The following RBFOX1 variants were observed in gnomAD, a reference collection of about 807,000 sequenced individuals.
RBFOX1 encodes RNA binding fox-1 homolog 1.
Under a neutral mutation model 57.7 loss-of-function variants are expected in RBFOX1, and 8 were observed. The ratio of observed to expected loss-of-function variants is 0.14; its 90% confidence interval spans 0.08 to 0.25. The LOEUF (loss-of-function observed/expected upper bound fraction) is 0.25. Ranked by LOEUF, RBFOX1 falls within the 10% of genes least tolerant of loss-of-function variation. RBFOX1 has a pLI of 1.00. For missense variants in RBFOX1, 611 were observed against 548.5 expected, an observed-to-expected ratio of 1.11 and a Z score of -1.14; for synonymous variants, 326 against 222.4, an observed-to-expected ratio of 1.47 and a Z score of -4.15.
intron 1 of RBFOX1, chr16:6,092,394 T>C (rs2096188326): frequency 6.6e-6 from 1 of 152,236 alleles, no homozygotes; most frequent in Non-Finnish European, 1.5e-5. Flanking sequence ...GTTAATTCTA[T>C]GTCTCCTACC....
chr16:7,320,782 G>T (rs554697550), intron 4 of RBFOX1, among the ~76,000 whole-genome samples: 1 of 152,242 alleles, frequency 6.6e-6, no homozygotes, highest in Non-Finnish European at 1.5e-5. Flanking sequence ...CAAGCCCAAA[G>T]AATATTTTAA....
intron 1 of RBFOX1, among the ~76,000 whole-genome samples, chr16:6,136,801 C>G (rs1299047170): frequency 6.6e-6 from 1 of 152,158 alleles, no homozygotes; most frequent in Non-Finnish European, 1.5e-5. Context: ...AGTACTGTTC[C>G]TTTTAATCAA....
At chr16:6,007,013 CCT>C (rs1456388829) in intron 4 of RBFOX1, among the ~76,000 whole-genome samples, 1 of 151,722 alleles carries the variant, frequency 6.6e-6, no homozygotes, top group Non-Finnish European at 1.5e-5. Context: ...ATGGATTTAC[CCT>C]CTCTCCCCAT....
chr16:5,697,176 C>T (rs2050870363), intron 3 of RBFOX1, among the ~76,000 whole-genome samples: 1 of 151,948 alleles, frequency 6.6e-6, no homozygotes, highest in Non-Finnish European at 1.5e-5. Flanking sequence ...GATTATTATC[C>T]AGCAATCTTG....
intron 3 of RBFOX1, among the ~76,000 whole-genome samples, chr16:6,930,755 A>T (rs1216980728): frequency 1.3e-5 from 2 of 152,054 alleles, no homozygotes; most frequent in Non-Finnish European, 2.9e-5. Context: ...TTATATGTTT[A>T]TTGGCCACTT....
intron 3 of RBFOX1, among the ~76,000 whole-genome samples, chr16:6,850,455 G>C (rs992643604): frequency 6.6e-6 from 1 of 152,072 alleles, no homozygotes; most frequent in Non-Finnish European, 1.5e-5. Flanking sequence ...AATGAGGTTT[G>C]AGTTGAGAGC....
chr16:6,534,121 A>T (rs538860627), intron 2 of RBFOX1, among the ~76,000 whole-genome samples: 1 of 152,210 alleles, frequency 6.6e-6, no homozygotes, highest in Non-Finnish European at 1.5e-5. Context: ...TTTATTTGCA[A>T]TGGCAAAAGA....
intron 3 of RBFOX1, among the ~76,000 whole-genome samples, chr16:6,696,895 T>C (rs545313463): frequency 2.0e-5 from 3 of 152,316 alleles, no homozygotes; most frequent in East Asian, 1.9e-4. Context: ...GTTTAAGAAA[T>C]GGAGATTGCT....
At chr16:6,324,939 T>C (rs17223037) in intron 2 of RBFOX1, among the ~76,000 whole-genome samples, 24,728 of 152,076 alleles carry the variant, frequency 0.16, 2,515 homozygotes, top group South Asian at 0.28. Flanking sequence ...GACAGGAGAG[T>C]GTACTATGTA....
At chr16:5,507,134 A>G (rs1413007686) in intron 2 of RBFOX1, among the ~76,000 whole-genome samples, 1 of 151,988 alleles carries the variant, frequency 6.6e-6, no homozygotes, top group Admixed American at 6.6e-5. Context: ...ATAAGTAGCT[A>G]CTTGGGTTGT....
At chr16:6,017,458 G>A (rs575352535), upstream of RBFOX1, among the ~76,000 whole-genome samples, 124 of 152,180 alleles carry the variant, frequency 8.1e-4, 1 homozygote, top group African/African-American at 2.8e-3. Context: ...TGATTATGAT[G>A]TTACCAACCC....
At chr16:5,321,575 G>T (rs964659115) in intron 1 of RBFOX1, among the ~76,000 whole-genome samples, 1 of 152,198 alleles carries the variant, frequency 6.6e-6, no homozygotes, top group African/African-American at 2.4e-5. Context: ...CCATGTTGGC[G>T]CAAAGTGCTG....
chr16:6,881,279 G>T (rs1001104487), intron 3 of RBFOX1, among the ~76,000 whole-genome samples: 4 of 152,204 alleles, frequency 2.6e-5, no homozygotes, highest in Non-Finnish European at 5.9e-5. Context: ...GAGAGCAAAG[G>T]AAGGGGTAAA....
chr16:5,445,677 C>T (rs996418734), intron 1 of RBFOX1, among the ~76,000 whole-genome samples: 5 of 152,162 alleles, frequency 3.3e-5, no homozygotes, highest in Non-Finnish European at 5.9e-5. Context: ...TCTGGTGGGG[C>T]TGCCTGGAAC....
Position 7,595,537 on chromosome 16 carries a change from T to A in RBFOX1, c.469-12T>A. ...TCTGCATGTTGTTTTCCCTTCTCCC[T>A]CCTGCATGCAGGGATTTGGTTTCGT... On this transcript the variant is annotated splice_polypyrimidine_tract_variant and intron_variant, in intron 7 of 15. Coordinates refer to ENST00000550418, the MANE Select transcript of RBFOX1 (RefSeq NM_018723.4). The A allele has an allele frequency of 6.5e-7, 1 of 1,545,178 alleles. No individual in the cohort carries two copies. Among genetic ancestry groups the A allele is most frequent in the Non-Finnish European group, 8.8e-7 (1 of 1,139,722 alleles).
chr16:6,098,187 C>A (rs543751337), intron 1 of RBFOX1, among the ~76,000 whole-genome samples: 1 of 152,280 alleles, frequency 6.6e-6, no homozygotes, highest in East Asian at 1.9e-4. Context: ...ATTAATCTTC[C>A]CCACCCTGGG....
chr16:6,519,966 G>T (rs1423501532), intron 2 of RBFOX1, among the ~76,000 whole-genome samples: 1 of 152,138 alleles, frequency 6.6e-6, no homozygotes, highest in East Asian at 1.9e-4. Context: ...GGGTCAGTAG[G>T]CATGGTATTA....
intron 3 of RBFOX1, among the ~76,000 whole-genome samples, chr16:5,767,356 A>G (rs375601016): frequency 2.5e-4 from 38 of 152,200 alleles, no homozygotes; most frequent in East Asian, 9.6e-4. Flanking sequence ...TGCTGCCCAG[A>G]GGACCTCCAC....
chr16:7,025,630 G>T (rs2040679443), intron 3 of RBFOX1, among the ~76,000 whole-genome samples: 1 of 152,114 alleles, frequency 6.6e-6, no homozygotes, highest in African/African-American at 2.4e-5. Flanking sequence ...CATGTCCTGG[G>T]GGGGTTTTGG....
Sources: allele counts gnomAD v4.1 joint callset (sites outside exome capture counted in the v4.1 genomes callset), GRCh38; gene constraint gnomAD v4.1.1; transcripts MANE v1.5; gene names NCBI Gene and HGNC (gene_info 2026-07-23, HGNC 2026-07-21).